TBCK: variants seen among roughly 807,000 people sequenced by gnomAD.
The protein encoded by TBCK is TBC1 domain containing kinase.
TBCK carries 99 observed loss-of-function variants against 113.4 expected under a neutral mutation model. That is an observed-to-expected ratio of 0.87 (90% CI 0.74 to 1.03). The LOEUF is 1.03. TBCK is among the 50% of genes least tolerant of loss of function. TBCK has a pLI of 0.00. For missense variants in TBCK, 1,045 were observed against 1,061.3 expected, an observed-to-expected ratio of 0.98 and a Z score of 0.21; for synonymous variants, 369 against 370.8, an observed-to-expected ratio of 1.00 and a Z score of 0.05.
At chr4:106,218,420 G>A (rs1757250683) in intron 19 of TBCK, among the ~76,000 whole-genome samples, 1 of 148,320 alleles carries the variant, frequency 6.7e-6, no homozygotes, top group Admixed American at 6.7e-5. Flanking sequence ...ACTACCATCA[G>A]AGTGAACAGG....
intron 5 of TBCK, among the ~76,000 whole-genome samples, chr4:106,256,848 A>G (rs774305837): frequency 6.6e-6 from 1 of 152,186 alleles, no homozygotes; most frequent in East Asian, 1.9e-4. Context: ...TCTATATCTT[A>G]TAAAAGCTAT....
At position 106,177,343 on chromosome 4, in the gene TBCK, TA is replaced by T. The variant is rs1374845997; in HGVS notation, c.2060-6074del. ...TGCTGTGAAGAATTTTAGCTTGATG[TA>T]ATTCTATTTGTCTACTTTGGCTTTG... On this transcript the variant is annotated intron_variant, in intron 22 of 25. Transcript: ENST00000394708. 6.6e-5 allele frequency among the ~76,000 whole-genome samples: 10 copies of T among 152,098 alleles called. 1 individual carries two copies. The highest frequency in any genetic ancestry group is 6.2e-4 in the South Asian group (3 of 4,822).
At chr4:106,171,830 T>A (rs1751060950) in intron 22 of TBCK, among the ~76,000 whole-genome samples, 1 of 150,640 alleles carries the variant, frequency 6.6e-6, no homozygotes, top group Middle Eastern at 3.2e-3. Context: ...CATTTCTCAA[T>A]TTTTTTTTTC....
intron 2 of TBCK, among the ~76,000 whole-genome samples, chr4:106,307,441 T>A (rs951604769): frequency 2.0e-5 from 3 of 152,090 alleles, no homozygotes; most frequent in African/African-American, 4.8e-5. Flanking sequence ...ACAAAAAAAA[T>A]TTCTACTCAG....
intron 24 of TBCK, among the ~76,000 whole-genome samples, chr4:106,101,699 A>G (rs1741574642): frequency 1.3e-5 from 2 of 152,208 alleles, no homozygotes; most frequent in Admixed American, 1.3e-4. Context: ...AGTAAAGCTC[A>G]GCCTTGAGCA....
At chr4:106,292,122 C>T (rs147356695) in intron 3 of TBCK, among the ~76,000 whole-genome samples, 13 of 152,224 alleles carry the variant, frequency 8.5e-5, no homozygotes, top group Admixed American at 2.6e-4. Context: ...CATGACTGGA[C>T]GGCTTTCTGG....
intron 18 of TBCK, among the ~76,000 whole-genome samples, chr4:106,231,137 C>T (rs1389295048): frequency 6.6e-6 from 1 of 151,244 alleles, no homozygotes; most frequent in East Asian, 1.9e-4. Flanking sequence ...GTAACACACT[C>T]TATATGTGAT....
chr4:106,310,297 TAAGG>T (rs1553997238), intron 1 of TBCK: 1 of 151,876 alleles, frequency 6.6e-6, no homozygotes, highest in Non-Finnish European at 1.5e-5. Flanking sequence ...ACAAAATATA[TAAGG>T]AAGAGTGAAG....
At chr4:106,294,568 G>A (rs746319150) in intron 3 of TBCK, among the ~76,000 whole-genome samples, 4 of 151,344 alleles carry the variant, frequency 2.6e-5, no homozygotes, top group South Asian at 2.1e-4. Context: ...CGTAAGCTCC[G>A]CCTCCTGGGT....
At chr4:106,167,699 G>C (rs1048332906) in intron 23 of TBCK, among the ~76,000 whole-genome samples, 2 of 151,564 alleles carry the variant, frequency 1.3e-5, no homozygotes, top group Non-Finnish European at 3.0e-5. Flanking sequence ...AGATCCCATA[G>C]ACAATAAAAT....
chr4:106,201,154 C>T (rs1754846124), intron 20 of TBCK, among the ~76,000 whole-genome samples: 1 of 151,788 alleles, frequency 6.6e-6, no homozygotes, highest in African/African-American at 2.4e-5. Context: ...ATAACAGCTC[C>T]TAGGTGCTTA....
At chr4:106,182,005 GA>G (rs1327444274) in intron 22 of TBCK, among the ~76,000 whole-genome samples, 6 of 152,142 alleles carry the variant, frequency 3.9e-5, no homozygotes, top group Non-Finnish European at 8.8e-5. Context: ...CATGAGCATG[GA>G]ATGTTTTTCC....
intron 25 of TBCK, among the ~76,000 whole-genome samples, chr4:106,077,472 A>C (rs1281867601): frequency 1.3e-5 from 2 of 152,244 alleles, no homozygotes; most frequent in Non-Finnish European, 2.9e-5. Context: ...GAATGGAGAA[A>C]GATTGATTAG....
At chr4:106,131,032 C>T (rs1745853686) in intron 23 of TBCK, among the ~76,000 whole-genome samples, 1 of 152,180 alleles carries the variant, frequency 6.6e-6, no homozygotes, top group East Asian at 1.9e-4. Context: ...GTAGTAATCC[C>T]CACATGTCAA....
intron 23 of TBCK, among the ~76,000 whole-genome samples, chr4:106,147,418 T>C (rs561163360): frequency 6.6e-6 from 1 of 152,334 alleles, no homozygotes; most frequent in South Asian, 2.1e-4. Context: ...ATGGATATTA[T>C]TGTTGCGGGA....
intron 23 of TBCK, among the ~76,000 whole-genome samples, chr4:106,134,967 T>C (rs2149633373): frequency 6.6e-6 from 1 of 152,328 alleles, no homozygotes; most frequent in East Asian, 1.9e-4. Context: ...AAGTGCTTGG[T>C]AGACTGTAGA....
chr4:106,261,952 T>G (rs933967249), intron 4 of TBCK, 146 bp downstream of exon 4: 11 of 375,746 alleles, frequency 2.9e-5, no homozygotes, highest in African/African-American at 2.3e-4. Context: ...AAAACCACAG[T>G]TACATCACTT....
intron 25 of TBCK, among the ~76,000 whole-genome samples, chr4:106,086,463 C>T (rs939297301): frequency 4.6e-5 from 7 of 152,064 alleles, no homozygotes; most frequent in African/African-American, 1.4e-4. Flanking sequence ...CAAAAAAAGC[C>T]CAGGACCAGA....
At chr4:106,247,809 TCAAA>T in intron 9 of TBCK, 1 of 155,260 alleles carries the variant, frequency 6.4e-6, no homozygotes, top group Admixed American at 6.5e-5. Flanking sequence ...CATCATCAAG[TCAAA>T]GTCAATTAAT....
Sources: allele counts gnomAD v4.1 joint callset (sites outside exome capture counted in the v4.1 genomes callset), GRCh38; gene constraint gnomAD v4.1.1; transcripts MANE v1.5; gene names NCBI Gene and HGNC (gene_info 2026-07-23, HGNC 2026-07-21).